Variants in CSMD3 observed in about 807,000 individuals in gnomAD.
The protein encoded by CSMD3 is CUB and Sushi multiple domains 3, also known as CUB and sushi domain-containing protein 3.
CSMD3 carries 177 observed loss-of-function variants against 435.2 expected under a neutral mutation model. The ratio of observed to expected loss-of-function variants is 0.41; its 90% CI spans 0.36 to 0.46. CSMD3 has a LOEUF of 0.46. Ranked by LOEUF, CSMD3 falls within the 20% of genes least tolerant of loss-of-function variation. The pLI is 0.34. For missense variants in CSMD3, 4,265 were observed against 4,504.6 expected, an observed-to-expected ratio of 0.95 and a Z score of 1.52; for synonymous variants, 1,656 against 1,520.5, an observed-to-expected ratio of 1.09 and a Z score of -2.07.
chr8:112,234,809 T>A (rs2129951466), intron 67 of CSMD3, among the ~76,000 whole-genome samples: 1 of 152,304 alleles, frequency 6.6e-6, no homozygotes. Flanking sequence ...TTCTAAAATT[T>A]TCAAGCATAC....
chr8:113,240,066 C>G (rs1323922559), intron 3 of CSMD3, among the ~76,000 whole-genome samples: 4 of 152,036 alleles, frequency 2.6e-5, no homozygotes, highest in African/African-American at 9.7e-5. Context: ...CATGTGTTCT[C>G]ATCATTTAGC....
chr8:112,993,459 A>G (rs1405886512), intron 6 of CSMD3, among the ~76,000 whole-genome samples: 1 of 151,854 alleles, frequency 6.6e-6, no homozygotes, highest in African/African-American at 2.4e-5. Flanking sequence ...TCTTTATTGA[A>G]TTAAGAAAAC....
At chr8:112,792,463 T>C (rs1457482051) in intron 13 of CSMD3, among the ~76,000 whole-genome samples, 1 of 152,156 alleles carries the variant, frequency 6.6e-6, no homozygotes, top group Non-Finnish European at 1.5e-5. Context: ...GACTCATTCT[T>C]ATGATCTCAT....
At chr8:113,419,378 A>G (rs942410233) in intron 1 of CSMD3, among the ~76,000 whole-genome samples, 2 of 152,046 alleles carry the variant, frequency 1.3e-5, no homozygotes, top group African/African-American at 2.4e-5. Flanking sequence ...TTGGCCTCCC[A>G]AAGTGCTGGG....
chr8:112,737,903 G>A (rs751272253), intron 13 of CSMD3, among the ~76,000 whole-genome samples: 1 of 151,760 alleles, frequency 6.6e-6, no homozygotes, highest in East Asian at 1.9e-4. Context: ...ACATTTCTAC[G>A]ATTGCAAATG....
At chr8:112,861,481 T>C (rs537308310) in intron 10 of CSMD3, among the ~76,000 whole-genome samples, 1 of 152,046 alleles carries the variant, frequency 6.6e-6, no homozygotes, top group South Asian at 2.1e-4. Context: ...CCATACTCTT[T>C]ATAATTTTCT....
intron 13 of CSMD3, among the ~76,000 whole-genome samples, chr8:112,723,045 A>T (rs546725552): frequency 5.7e-4 from 87 of 152,244 alleles, no homozygotes; most frequent in Middle Eastern, 3.4e-3. Flanking sequence ...TAGCAAAAAA[A>T]AAAAAACCTG....
intron 10 of CSMD3, among the ~76,000 whole-genome samples, chr8:112,897,979 C>T (rs2082000035): frequency 6.6e-6 from 1 of 151,006 alleles, no homozygotes; most frequent in Non-Finnish European, 1.5e-5. Flanking sequence ...ATGGAGGTTT[C>T]AAGTTAAAAG....
intron 10 of CSMD3, among the ~76,000 whole-genome samples, chr8:112,869,096 G>GA (rs1436636104): frequency 6.6e-6 from 1 of 152,226 alleles, no homozygotes; most frequent in East Asian, 1.9e-4. Flanking sequence ...TCTCATGGAG[G>GA]AAAAAATCTG....
At chr8:112,334,241 C>A (rs929632907) in intron 45 of CSMD3, among the ~76,000 whole-genome samples, 1 of 152,126 alleles carries the variant, frequency 6.6e-6, no homozygotes, top group Non-Finnish European at 1.5e-5. Context: ...TAGATACCAT[C>A]TAATTGGCTG....
chr8:113,174,529 A>G (rs989943397), intron 3 of CSMD3, among the ~76,000 whole-genome samples: 1 of 152,054 alleles, frequency 6.6e-6, no homozygotes, highest in Non-Finnish European at 1.5e-5. Context: ...ATCAATAGGC[A>G]AAATATATGG....
intron 10 of CSMD3, among the ~76,000 whole-genome samples, chr8:112,897,053 G>T (rs1407312124): frequency 6.6e-6 from 1 of 151,236 alleles, no homozygotes; most frequent in Non-Finnish European, 1.5e-5. Context: ...TCCTTTCTTT[G>T]CATACCTTTT....
chr8:113,145,752 C>T (rs1477182721), intron 4 of CSMD3, among the ~76,000 whole-genome samples: 2 of 151,530 alleles, frequency 1.3e-5, no homozygotes, highest in South Asian at 2.1e-4. Flanking sequence ...TAGATTGGTA[C>T]ATGACACAGA....
chr8:112,516,776 T>C (rs117921885), intron 28 of CSMD3, among the ~76,000 whole-genome samples: 6 of 152,320 alleles, frequency 3.9e-5, no homozygotes, highest in East Asian at 3.9e-4. Flanking sequence ...AAGGGTGATA[T>C]AATTTTCCAA....
At chr8:112,510,364 A>G (rs1254827156) in intron 28 of CSMD3, among the ~76,000 whole-genome samples, 1 of 152,192 alleles carries the variant, frequency 6.6e-6, no homozygotes, top group Admixed American at 6.5e-5. Flanking sequence ...ATCAACCATC[A>G]GTGTATACAC....
intron 6 of CSMD3, among the ~76,000 whole-genome samples, chr8:113,006,856 G>A (rs569511311): frequency 1.3e-5 from 2 of 151,984 alleles, no homozygotes; most frequent in African/African-American, 4.8e-5. Context: ...AGGAATCCCA[G>A]AAGAGAAAGG....
rs546058401 is a variant in CSMD3, at chr8:112,639,532, C to A, written c.3311-621G>T. On this transcript the variant is annotated intron_variant, in intron 20 of 70. Transcript: ENST00000297405. ...TTGTAAATAGTATCCAAATCAATAG[C>A]CACAATAATACCAACACCCAGCGCC... 1.8e-4 allele frequency among the ~76,000 whole-genome samples: 28 copies of A among 152,206 alleles called. No individual in the cohort carries two copies. The East Asian group carries it at 4.6e-3, about 25-fold the overall frequency.
intron 36 of CSMD3, among the ~76,000 whole-genome samples, chr8:112,385,516 C>G (rs1829857275): frequency 2.0e-5 from 3 of 151,066 alleles, no homozygotes; most frequent in South Asian, 4.2e-4. Flanking sequence ...AGACAGTGCT[C>G]TAAGTACAGC....
At chr8:113,244,120 C>A (rs1588354591) in intron 3 of CSMD3, among the ~76,000 whole-genome samples, 1 of 152,020 alleles carries the variant, frequency 6.6e-6, no homozygotes, top group East Asian at 1.9e-4. Flanking sequence ...TTTTCACTTT[C>A]TTTTTGGTAT....
Sources: gnomAD v4.1 joint callset for allele counts (sites outside exome capture counted in the v4.1 genomes callset) on GRCh38, gnomAD v4.1.1 for gene constraint, MANE v1.5 for transcripts, NCBI Gene and HGNC (gene_info 2026-07-23, HGNC 2026-07-21) for gene names.